GALNTL6: variants seen among roughly 807,000 people sequenced by gnomAD.
The protein encoded by GALNTL6 is polypeptide N-acetylgalactosaminyltransferase-like 6.
GALNTL6 carries 46 observed loss-of-function variants against 73.7 expected under a neutral mutation model. That is an observed-to-expected ratio of 0.62 (90% CI 0.49 to 0.80). The LOEUF is 0.80. Among genes scored for constraint, GALNTL6 ranks in the 30% least tolerant of loss-of-function variants. The pLI is 0.00. For missense variants in GALNTL6, 604 were observed against 755.0 expected (o/e 0.80, Z 2.34); for synonymous variants, 259 against 263.7 (o/e 0.98, Z 0.17).
intron 2 of GALNTL6, among the ~76,000 whole-genome samples, chr4:172,076,856 C>A (rs962971972): frequency 2.0e-5 from 3 of 152,152 alleles, no homozygotes; most frequent in African/African-American, 7.2e-5. Flanking sequence ...GTGTCCCCAC[C>A]AAAATCTCAT....
chr4:172,945,413 C>T (rs1010237257), intron 9 of GALNTL6, among the ~76,000 whole-genome samples: 13 of 152,192 alleles, frequency 8.5e-5, no homozygotes, highest in Non-Finnish European at 1.6e-4. Flanking sequence ...AAACTATTCA[C>T]TTTAAATATG....
chr4:172,643,107 T>TTA (rs1553967562), intron 5 of GALNTL6, among the ~76,000 whole-genome samples: 3 of 150,304 alleles, frequency 2.0e-5, no homozygotes, highest in Non-Finnish European at 3.0e-5. Flanking sequence ...GATTCTTTTG[T>TTA]AAAAAAAAAA....
chr4:172,760,088 G>A (rs1286879537), intron 5 of GALNTL6, among the ~76,000 whole-genome samples: 2 of 150,716 alleles, frequency 1.3e-5, no homozygotes, highest in East Asian at 1.9e-4. Flanking sequence ...CACCCGCCTC[G>A]GCCTCCCAAA....
intron 5 of GALNTL6, among the ~76,000 whole-genome samples, chr4:172,411,934 G>A (rs1744453885): frequency 6.6e-6 from 1 of 151,702 alleles, no homozygotes; most frequent in Non-Finnish European, 1.5e-5. Flanking sequence ...AGTTAAATAA[G>A]GGAAATATAG....
chr4:172,827,838 C>A (rs1232280964), intron 7 of GALNTL6, among the ~76,000 whole-genome samples: 1 of 151,938 alleles, frequency 6.6e-6, no homozygotes, highest in Non-Finnish European at 1.5e-5. Context: ...ATAATACTTT[C>A]TTTCAAAAAT....
chr4:171,999,519 C>T (rs548692245), intron 2 of GALNTL6, among the ~76,000 whole-genome samples: 23 of 152,136 alleles, frequency 1.5e-4, no homozygotes, highest in Admixed American at 1.2e-3. Context: ...TTAATATTGG[C>T]TTCCAGGACA....
chr4:172,502,584 C>T (rs1364881961), intron 5 of GALNTL6, among the ~76,000 whole-genome samples: 1 of 152,134 alleles, frequency 6.6e-6, no homozygotes, highest in Non-Finnish European at 1.5e-5. Context: ...TACCCCAAAG[C>T]ATCATTAATG....
intron 2 of GALNTL6, among the ~76,000 whole-genome samples, chr4:172,019,791 G>A (rs145084850): frequency 5.9e-5 from 9 of 152,008 alleles, no homozygotes; most frequent in East Asian, 3.9e-4. Context: ...AACAAAAATC[G>A]GACTTCACCT....
chr4:172,228,767 G>T (rs1256068298), intron 2 of GALNTL6, among the ~76,000 whole-genome samples: 4 of 152,154 alleles, frequency 2.6e-5, no homozygotes, highest in African/African-American at 9.7e-5. Context: ...CTACAAGATT[G>T]TGAAGATAAG....
chr4:172,771,216 G>A (rs1222413069), intron 5 of GALNTL6, among the ~76,000 whole-genome samples: 1 of 152,090 alleles, frequency 6.6e-6, no homozygotes, highest in Non-Finnish European at 1.5e-5. Context: ...CATGAACTCT[G>A]GTTACCCAAG....
chr4:172,475,689 G>A (rs1561100584), intron 5 of GALNTL6, among the ~76,000 whole-genome samples: 1 of 152,176 alleles, frequency 6.6e-6, no homozygotes, highest in Non-Finnish European at 1.5e-5. Flanking sequence ...ATTAATAGAT[G>A]TTTAGAAATC....
chr4:171,865,291 G>T (rs1344942437), intron 2 of GALNTL6, among the ~76,000 whole-genome samples: 1 of 152,138 alleles, frequency 6.6e-6, no homozygotes, highest in African/African-American at 2.4e-5. Context: ...CATACAAATG[G>T]GTGCTGGCTG....
At chr4:172,029,042 G>C (rs1197480856) in intron 2 of GALNTL6, among the ~76,000 whole-genome samples, 1 of 151,838 alleles carries the variant, frequency 6.6e-6, no homozygotes, top group Non-Finnish European at 1.5e-5. Context: ...TTTTAAACTA[G>C]ATATTAATTG....
At chr4:171,955,870 A>T (rs2877676) in intron 2 of GALNTL6, among the ~76,000 whole-genome samples, 2 of 151,726 alleles carry the variant, frequency 1.3e-5, no homozygotes, top group African/African-American at 2.4e-5. Flanking sequence ...CCCCAAAAAG[A>T]CATTGAAGCT....
At chr4:172,946,717 T>G (rs1371678799) in intron 9 of GALNTL6, among the ~76,000 whole-genome samples, 1 of 152,132 alleles carries the variant, frequency 6.6e-6, no homozygotes, top group Non-Finnish European at 1.5e-5. Flanking sequence ...TAATGCCAGT[T>G]TGGGTTGAAT....
intron 7 of GALNTL6, among the ~76,000 whole-genome samples, chr4:172,861,761 G>T (rs1422571050): frequency 6.6e-6 from 1 of 152,180 alleles, no homozygotes; most frequent in Non-Finnish European, 1.5e-5. Flanking sequence ...TTATAACGGG[G>T]AGTTCCCCCG....
At chr4:172,343,532 C>A (rs919065603) in intron 4 of GALNTL6, among the ~76,000 whole-genome samples, 3 of 151,690 alleles carry the variant, frequency 2.0e-5, no homozygotes, top group Admixed American at 6.6e-5. Context: ...TTGAAAAAAC[C>A]ACTTATTTTA....
chr4:172,564,977 A>G (rs1194473124), intron 5 of GALNTL6, among the ~76,000 whole-genome samples: 1 of 152,220 alleles, frequency 6.6e-6, no homozygotes, highest in Non-Finnish European at 1.5e-5. Flanking sequence ...TAATTCATGA[A>G]CAAAATTTAT....
rs185022757 is a variant in GALNTL6, at chr4:172,277,687, C to G, written c.248-33927C>G. On this transcript the variant is annotated intron_variant, in intron 3 of 12. Coordinates refer to ENST00000506823, the MANE Select transcript of GALNTL6 (RefSeq NM_001034845.3). ...TAATGTTTGCTCTGTATGGCTGCAC[C>G]TGCCTAGAGCAAAGTCAGTGTGATA... Among the ~76,000 whole-genome samples, 12 of 152,210 alleles carry G rather than the reference C, an allele frequency of 7.9e-5. No homozygotes were observed. The East Asian group carries it at 2.3e-3, about 29-fold the overall frequency.
Sources: gnomAD v4.1 joint callset for allele counts (sites outside exome capture counted in the v4.1 genomes callset) on GRCh38, gnomAD v4.1.1 for gene constraint, MANE v1.5 for transcripts, NCBI Gene and HGNC (gene_info 2026-07-23, HGNC 2026-07-21) for gene names.